Variants in HAPLN1 observed in about 807,000 individuals in gnomAD.
HAPLN1 encodes the protein Cartilage link protein.
HAPLN1 carries 13 observed loss-of-function variants against 36.5 expected under a neutral mutation model. The ratio of observed to expected loss-of-function variants is 0.36; its 90% CI spans 0.23 to 0.57. HAPLN1 has a LOEUF of 0.57. HAPLN1 is among the 20% of genes least tolerant of loss of function. The pLI is 0.83. For synonymous variants in HAPLN1, 202 were observed against 169.8 expected (o/e 1.19, Z -1.48); for missense variants, 407 against 439.7 (o/e 0.93, Z 0.66).
At chr5:83,710,466 A>T (rs1751754820) in intron 1 of HAPLN1, among the ~76,000 whole-genome samples, 1 of 152,112 alleles carries the variant, frequency 6.6e-6, no homozygotes, top group Non-Finnish European at 1.5e-5. Context: ...TCAATGGAGT[A>T]GCTGTGGGAG....
intron 2 of HAPLN1, among the ~76,000 whole-genome samples, chr5:83,658,920 A>G (rs1046623078): frequency 3.3e-5 from 5 of 152,164 alleles, no homozygotes; most frequent in African/African-American, 1.2e-4. Context: ...GAAGACGGTA[A>G]GAAAGGTAGT....
In HAPLN1 at chr5:83,652,779, A is replaced by C. The variant is rs1214182579; in HGVS notation, c.146T>G (p.Val49Gly). 1 of 1,612,326 alleles carries C rather than the reference A, an allele frequency of 6.2e-7. No homozygotes were observed. The highest frequency in any genetic ancestry group is 1.1e-5 in the South Asian group (1 of 91,028). ...HLLVEAEQAK[V>G]FSHRGGNVTL... ...AACATTGCCACCTCTGTGTGAAAAC[A>C]CCTTGGCTTGCTCTGCTTCCACAAG... The change falls in exon 3 of 5, where the codon GTG becomes GGG. Residue 49 changes from valine to glycine, a missense_variant. Transcript: ENST00000274341.
intron 2 of HAPLN1, among the ~76,000 whole-genome samples, chr5:83,658,041 C>G (rs1379094799): frequency 1.3e-5 from 2 of 152,062 alleles, no homozygotes; most frequent in Admixed American, 6.5e-5. Flanking sequence ...TCATCCCAAA[C>G]AGAAAGTTAA....
At chr5:83,685,980 G>C (rs979946888) in intron 1 of HAPLN1, 11 of 151,940 alleles carry the variant, frequency 7.2e-5, no homozygotes, top group African/African-American at 2.7e-4. Flanking sequence ...TTCCACACAA[G>C]TTCTCGAAGT....
intron 2 of HAPLN1, among the ~76,000 whole-genome samples, chr5:83,661,723 G>T (rs1216476499): frequency 6.6e-6 from 1 of 152,106 alleles, no homozygotes; most frequent in Non-Finnish European, 1.5e-5. Context: ...GATTACAGGC[G>T]TGAGCAACGG....
At chr5:83,661,680 T>C (rs1338467885) in intron 2 of HAPLN1, among the ~76,000 whole-genome samples, 1 of 152,132 alleles carries the variant, frequency 6.6e-6, no homozygotes, top group African/African-American at 2.4e-5. Context: ...CCTGACCTCG[T>C]GATCCGCCCG....
Position 83,638,096 on chromosome 5 carries a change from A to C in HAPLN1, c.*3400T>G, listed in dbSNP as rs1749568071. 1 of 151,930 alleles carries C rather than the reference A, an allele frequency of 6.6e-6. No homozygotes were observed. The highest frequency in any genetic ancestry group is 1.5e-5 in the Non-Finnish European group (1 of 67,886). 9.4% of individuals were successfully genotyped at this position (151,930 alleles called of 1,614,324 possible). ...ACAATTTGAAGTCAAATGTATCAGA[A>C]CAAGAATGAATTAAATGCCTTTCTT... is the stretch of plus-strand genomic sequence containing the variant. On this transcript the variant is annotated 3_prime_UTR_variant, in exon 5 of 5. Coordinates refer to ENST00000274341, the MANE Select transcript of HAPLN1 (RefSeq NM_001884.4).
At position 83,641,305 on chromosome 5, in the gene HAPLN1, T is replaced by G. The variant is rs1749685437; in HGVS notation, c.*191A>C. 1 of 311,366 alleles carries G rather than the reference T, an allele frequency of 3.2e-6. No homozygotes were observed. The highest frequency in any genetic ancestry group is 4.9e-5 in the Admixed American group (1 of 20,420). 19.3% of individuals were successfully genotyped at this position (311,366 alleles called of 1,614,324 possible). A position where few individuals can be genotyped will look rare whatever the true frequency, so the allele number is the denominator to read the frequency against. On this transcript the variant is annotated 3_prime_UTR_variant, in exon 5 of 5. Coordinates refer to ENST00000274341, the MANE Select transcript of HAPLN1 (RefSeq NM_001884.4). Reference sequence around the variant, plus strand: ...GAGCTTCCCTTAAATTTATATTAATTTATAATATATATTGAATGATAGCTT... The same window carrying G: ...GAGCTTCCCTTAAATTTATATTAATGTATAATATATATTGAATGATAGCTT...
rs1750094542 is a variant in HAPLN1 at position 83,652,478 on chromosome 5, A to T, written c.447T>A (p.Thr149=). ...CEVIEGLEDD[T]VVVALDLQGV... is the part of the protein sequence containing the mutation. ...CTTGTAAGTCCAGTGCTACCACAAC[A>T]GTATCATCTTCTAATCCTTCAATCA... The change falls in exon 3 of 5, where the codon ACT becomes ACA. Residue 149 remains threonine, a synonymous_variant. Coordinates refer to ENST00000274341, the MANE Select transcript of HAPLN1 (RefSeq NM_001884.4). 1 of 1,614,006 alleles carries T rather than the reference A, an allele frequency of 6.2e-7. No individual in the cohort carries two copies. Among genetic ancestry groups the T allele is most frequent in the African/African-American group, 1.3e-5 (1 of 75,054 alleles).
chr5:83,674,557 G>A (rs1471646914), intron 1 of HAPLN1: 1 of 152,216 alleles, frequency 6.6e-6, no homozygotes, highest in East Asian at 1.9e-4. Context: ...GCCAGGCAAG[G>A]ATTTCAGTGG....
At chr5:83,667,792 G>A (rs535719935) in intron 2 of HAPLN1, among the ~76,000 whole-genome samples, 2 of 152,246 alleles carry the variant, frequency 1.3e-5, no homozygotes, top group South Asian at 2.1e-4. Flanking sequence ...TATTACATAA[G>A]GAACAGGATA....
At chr5:83,673,274 A>T in intron 2 of HAPLN1, 150 bp downstream of exon 2, 1 of 583,596 alleles carries the variant, frequency 1.7e-6, no homozygotes, top group Non-Finnish European at 3.0e-6. Flanking sequence ...AATAGTGTTT[A>T]AAAGCCAGGG....
At chr5:83,664,588 G>A (rs1230953852) in intron 2 of HAPLN1, among the ~76,000 whole-genome samples, 1 of 151,986 alleles carries the variant, frequency 6.6e-6, no homozygotes, top group East Asian at 1.9e-4. Flanking sequence ...TCACCATGTT[G>A]GCCAGGCTGG....
chr5:83,643,319 C>T (rs1749759066), intron 4 of HAPLN1, among the ~76,000 whole-genome samples: 1 of 148,380 alleles, frequency 6.7e-6, no homozygotes, highest in African/African-American at 2.5e-5. Flanking sequence ...TACTGTACTC[C>T]AGCCTGGGTG....
chr5:83,657,224 T>C (rs1750245176), intron 2 of HAPLN1, among the ~76,000 whole-genome samples: 1 of 151,708 alleles, frequency 6.6e-6, no homozygotes, highest in South Asian at 2.1e-4. Context: ...GCCTCCCGAG[T>C]AGCTGGGTTT....
At chr5:83,649,079 C>A (rs915745360) in intron 3 of HAPLN1, among the ~76,000 whole-genome samples, 1 of 152,142 alleles carries the variant, frequency 6.6e-6, no homozygotes, top group Non-Finnish European at 1.5e-5. Context: ...AATATCCCAT[C>A]TGAGTTTTTC....
At chr5:83,709,889 G>A (rs1364172739) in intron 1 of HAPLN1, among the ~76,000 whole-genome samples, 1 of 152,216 alleles carries the variant, frequency 6.6e-6, no homozygotes, top group Non-Finnish European at 1.5e-5. Flanking sequence ...GGATGATAAG[G>A]AAGGTCAGGA....
intron 1 of HAPLN1, among the ~76,000 whole-genome samples, chr5:83,715,954 A>G (rs1751904819): frequency 6.6e-6 from 1 of 152,188 alleles, no homozygotes; most frequent in Non-Finnish European, 1.5e-5. Flanking sequence ...ATTATTTTAG[A>G]ATGGATTTTC....
intron 2 of HAPLN1, among the ~76,000 whole-genome samples, chr5:83,662,576 A>G (rs1263917181): frequency 6.6e-6 from 1 of 152,236 alleles, no homozygotes; most frequent in Non-Finnish European, 1.5e-5. Context: ...TATTTTACTA[A>G]TATGTTGAGT....
Sources: gnomAD v4.1 joint callset for allele counts (sites outside exome capture counted in the v4.1 genomes callset) on GRCh38, gnomAD v4.1.1 for gene constraint, MANE v1.5 for transcripts, NCBI Gene and HGNC (gene_info 2026-07-23, HGNC 2026-07-21) for gene names.